Variants in LDLRAD4 observed in about 807,000 individuals in gnomAD.
LDLRAD4 encodes low density lipoprotein receptor class A domain containing 4, also known as low-density lipoprotein receptor class A domain-containing protein 4.
LDLRAD4 carries 5 observed loss-of-function variants against 17.0 expected under a neutral mutation model. That is an observed-to-expected ratio of 0.29 (90% confidence interval 0.15 to 0.62). The LOEUF (loss-of-function observed/expected upper bound fraction) is 0.62, where lower values mean the gene tolerates loss of function less well. Ranked by LOEUF, LDLRAD4 falls within the 20% of genes least tolerant of loss-of-function variation. The pLI, the probability that LDLRAD4 is intolerant of heterozygous loss-of-function variation, is 0.84. For missense variants in LDLRAD4, 340 were observed against 424.7 expected, an observed-to-expected ratio of 0.80 and a Z score of 1.75; for synonymous variants, 168 against 171.8, an observed-to-expected ratio of 0.98 and a Z score of 0.17.
At chr18:13,362,702 A>G (rs1421411337) in intron 1 of LDLRAD4, 2 of 152,258 alleles carry the variant, frequency 1.3e-5, no homozygotes, top group African/African-American at 2.4e-5. Flanking sequence ...CCAATTTAAT[A>G]GAAATGAGAA....
At chr18:13,567,437 C>T (rs879587456) in intron 3 of LDLRAD4, among the ~76,000 whole-genome samples, 13 of 152,210 alleles carry the variant, frequency 8.5e-5, no homozygotes, top group Admixed American at 3.9e-4. Context: ...TGCCTGCAAA[C>T]GCACTGTCAC....
chr18:13,308,716 C>T (rs1183921790), intron 1 of LDLRAD4, among the ~76,000 whole-genome samples: 1 of 152,276 alleles, frequency 6.6e-6, no homozygotes, highest in African/African-American at 2.4e-5. Flanking sequence ...TGAACTTTCT[C>T]TCTTGGATTG....
At chr18:13,365,069 G>A (rs184694843) in intron 1 of LDLRAD4, among the ~76,000 whole-genome samples, 4 of 152,324 alleles carry the variant, frequency 2.6e-5, no homozygotes, top group Non-Finnish European at 4.4e-5. Context: ...TGCAGACAGT[G>A]GGAGTGATGG....
At chr18:13,362,153 C>G (rs934003325) in intron 1 of LDLRAD4, 2 of 152,110 alleles carry the variant, frequency 1.3e-5, no homozygotes, top group African/African-American at 4.8e-5. Flanking sequence ...GTCATTGTGC[C>G]TTTGTCTCAT....
At chr18:13,596,838 T>G (rs1199572678) in intron 3 of LDLRAD4, among the ~76,000 whole-genome samples, 2 of 152,318 alleles carry the variant, frequency 1.3e-5, no homozygotes, top group South Asian at 2.1e-4. Flanking sequence ...CCCACTCACC[T>G]CCTCTGTGTT....
At chr18:13,239,111 T>C (rs1287329188) in intron 1 of LDLRAD4, among the ~76,000 whole-genome samples, 5 of 148,276 alleles carry the variant, frequency 3.4e-5, no homozygotes, top group African/African-American at 1.3e-4. Context: ...TGCTTGAATC[T>C]GGGAGGCAGA....
Position 13,255,382 on chromosome 18 carries a change from A to G in LDLRAD4, c.-466-22723A>G, listed in dbSNP as rs1245464376. Among the ~76,000 whole-genome samples, 5 of 152,278 alleles carry G rather than the reference A, an allele frequency of 3.3e-5. No individual in the cohort carries two copies. The East Asian group carries it at 9.7e-4, about 29-fold the overall frequency. ...TAGCATTAGAGCAGGGAGTGACCAT[A>G]TGGGTACTGGGGAAGATTCTAGGCT... On this transcript the variant is annotated intron_variant, in intron 1 of 5. Coordinates refer to the LDLRAD4 transcript ENST00000399848.
intron 3 of LDLRAD4, chr18:13,543,717 G>C (rs1428817596): frequency 1.3e-5 from 2 of 152,202 alleles, no homozygotes; most frequent in African/African-American, 4.8e-5. Flanking sequence ...TTGGGGTTTG[G>C]CTGGCCTGTG....
At chr18:13,234,227 G>A (rs950968489) in intron 1 of LDLRAD4, among the ~76,000 whole-genome samples, 1 of 152,114 alleles carries the variant, frequency 6.6e-6, no homozygotes. Context: ...TGTGCCCCTC[G>A]GGCCTCCCTC....
At chr18:13,474,177 A>G (rs1311446639) in intron 3 of LDLRAD4, among the ~76,000 whole-genome samples, 2 of 152,154 alleles carry the variant, frequency 1.3e-5, no homozygotes, top group African/African-American at 4.8e-5. Flanking sequence ...AGAAGCCACT[A>G]TGCTTCCTGT....
At chr18:13,513,539 C>T (rs2093815232) in intron 3 of LDLRAD4, among the ~76,000 whole-genome samples, 1 of 152,210 alleles carries the variant, frequency 6.6e-6, no homozygotes, top group African/African-American at 2.4e-5. Context: ...TCTTGGGGAT[C>T]CCGTGGGGAG....
intron 1 of LDLRAD4, among the ~76,000 whole-genome samples, chr18:13,261,678 C>T (rs1598961094): frequency 6.6e-6 from 1 of 152,344 alleles, no homozygotes; most frequent in East Asian, 1.9e-4. Context: ...TGCAGTCTTT[C>T]TATCCTACTT....
intron 1 of LDLRAD4, among the ~76,000 whole-genome samples, chr18:13,286,532 C>T (rs1175521693): frequency 6.6e-6 from 1 of 152,172 alleles, no homozygotes; most frequent in Non-Finnish European, 1.5e-5. Context: ...TCACCATGCC[C>T]AGCTAACTTT....
At chr18:13,363,911 G>A (rs968066042) in intron 1 of LDLRAD4, among the ~76,000 whole-genome samples, 2 of 152,158 alleles carry the variant, frequency 1.3e-5, no homozygotes, top group Admixed American at 1.3e-4. Context: ...AGGTTCAAAA[G>A]TCTCTAAATA....
chr18:13,512,089 T>C (rs369242335), intron 3 of LDLRAD4, among the ~76,000 whole-genome samples: 1 of 152,350 alleles, frequency 6.6e-6, no homozygotes, highest in South Asian at 2.1e-4. Flanking sequence ...AGGCAAAATA[T>C]CGTGTTTTGT....
chr18:13,571,028 C>G (rs2094682211), intron 3 of LDLRAD4, among the ~76,000 whole-genome samples: 2 of 152,098 alleles, frequency 1.3e-5, no homozygotes, highest in African/African-American at 2.4e-5. Flanking sequence ...CTATGTTGCC[C>G]AGGCTGGCCT....
intron 4 of LDLRAD4, among the ~76,000 whole-genome samples, chr18:13,632,439 GC>G (rs1320485170): frequency 6.6e-6 from 1 of 152,258 alleles, no homozygotes; most frequent in Non-Finnish European, 1.5e-5. Context: ...TGGCACAGGT[GC>G]TTGCTCTGTG....
intron 1 of LDLRAD4, among the ~76,000 whole-genome samples, chr18:13,266,505 C>T (rs1208963303): frequency 6.6e-6 from 1 of 152,208 alleles, no homozygotes; most frequent in African/African-American, 2.4e-5. Context: ...TGTCCAGAGG[C>T]GGGAGGATTC....
At chr18:13,420,693 G>A (rs763662486) in intron 2 of LDLRAD4, 6 of 152,250 alleles carry the variant, frequency 3.9e-5, no homozygotes, top group Non-Finnish European at 5.9e-5. Flanking sequence ...CTTTACTCAG[G>A]CTTTGGGGCC....
Sources: gnomAD v4.1 joint callset for allele counts (sites outside exome capture counted in the v4.1 genomes callset) on GRCh38, gnomAD v4.1.1 for gene constraint, MANE v1.5 for transcripts, NCBI Gene and HGNC (gene_info 2026-07-23, HGNC 2026-07-21) for gene names.